The following LAPTM4B variants were observed in gnomAD, a reference collection of about 807,000 sequenced individuals.
LAPTM4B encodes lysosomal protein transmembrane 4 beta.
LAPTM4B carries 26 observed loss-of-function variants against 28.5 expected under a neutral mutation model. That is an observed-to-expected ratio of 0.91 (90% CI 0.67 to 1.27). The LOEUF is 1.27. Ranked by LOEUF, LAPTM4B falls within the 50% of genes most tolerant of loss-of-function variation. LAPTM4B has a pLI of 0.00. For missense variants in LAPTM4B, 288 were observed against 285.8 expected, an observed-to-expected ratio of 1.01 and a Z score of -0.06; for synonymous variants, 109 against 106.4, an observed-to-expected ratio of 1.02 and a Z score of -0.15.
At chr8:97,797,706 G>A (rs188462904) in intron 1 of LAPTM4B, among the ~76,000 whole-genome samples, 1 of 151,972 alleles carries the variant, frequency 6.6e-6, no homozygotes, top group African/African-American at 2.4e-5. Context: ...TTTTATTGAG[G>A]CTTTTAAAAA....
At chr8:97,817,343 GC>G (rs1345948565) in intron 4 of LAPTM4B, among the ~76,000 whole-genome samples, 1 of 149,358 alleles carries the variant, frequency 6.7e-6, no homozygotes, top group African/African-American at 2.5e-5. Flanking sequence ...TCACCATGTT[GC>G]CCAGGCTTGT....
At chr8:97,827,176 T>G (rs1345834287) in intron 6 of LAPTM4B, among the ~76,000 whole-genome samples, 1 of 152,248 alleles carries the variant, frequency 6.6e-6, no homozygotes, top group East Asian at 1.9e-4. Context: ...TAGCCATTGT[T>G]AGTCTTTGGT....
chr8:97,836,799 C>T (rs1316626396), intron 6 of LAPTM4B, among the ~76,000 whole-genome samples: 2 of 152,058 alleles, frequency 1.3e-5, no homozygotes, highest in Non-Finnish European at 2.9e-5. Flanking sequence ...TCCAGATTAA[C>T]ATTATATGCA....
rs542908291 is a variant in LAPTM4B at position 97,846,477 on chromosome 8, G to A, written c.604-4920G>A. On this transcript the variant is annotated intron_variant, in intron 6 of 6. Coordinates refer to ENST00000521545, the MANE Select transcript of LAPTM4B (RefSeq NM_018407.6). ...CGAGTAGCTGGGATTACAGGCATGC[G>A]CCACCACGCCCAGCTAACTTTGTAT... Among the ~76,000 whole-genome samples, 15 of 152,126 alleles carry A rather than the reference G, an allele frequency of 9.9e-5. No individual in the cohort carries two copies. The South Asian group carries it at 1.5e-3, about 15-fold the overall frequency.
chr8:97,827,611 CT>C (rs1480354483), intron 6 of LAPTM4B, among the ~76,000 whole-genome samples: 1 of 152,170 alleles, frequency 6.6e-6, no homozygotes, highest in Non-Finnish European at 1.5e-5. Flanking sequence ...GGAGGGGACA[CT>C]TTTGGGGATT....
intron 6 of LAPTM4B, among the ~76,000 whole-genome samples, chr8:97,828,410 A>G (rs575832894): frequency 6.6e-6 from 1 of 152,226 alleles, no homozygotes; most frequent in African/African-American, 2.4e-5. Context: ...ATGAACAGAG[A>G]GATTAGCCTG....
At chr8:97,792,054 T>G (rs1430935263) in intron 1 of LAPTM4B, among the ~76,000 whole-genome samples, 1 of 152,132 alleles carries the variant, frequency 6.6e-6, no homozygotes, top group Non-Finnish European at 1.5e-5. Context: ...TCTGTTGAAA[T>G]GAGGCTCTAA....
At chr8:97,811,295 T>C (rs972386239) in intron 2 of LAPTM4B, among the ~76,000 whole-genome samples, 2 of 152,130 alleles carry the variant, frequency 1.3e-5, no homozygotes, top group African/African-American at 4.8e-5. Context: ...ATATATACCC[T>C]AGGGAAACAG....
At position 97,775,989 on chromosome 8, in the gene LAPTM4B, C is replaced by G. The variant is rs1454795137; in HGVS notation, c.-21C>G. On this transcript the variant is annotated 5_prime_UTR_variant, in exon 1 of 7. Transcript: ENST00000521545. ...GCTCCTGAAAACTTGCGCGCGCGCTCGCGCCACTGCGCCCGGAGCGATGAA... is the reference window on the plus strand; with the variant it reads ...GCTCCTGAAAACTTGCGCGCGCGCTGGCGCCACTGCGCCCGGAGCGATGAA... 7 of 1,562,728 alleles carry G rather than the reference C, an allele frequency of 4.5e-6. No individual in the cohort carries two copies. Among genetic ancestry groups the G allele is most frequent in the Non-Finnish European group, 6.0e-6 (7 of 1,161,670 alleles).
intron 2 of LAPTM4B, among the ~76,000 whole-genome samples, chr8:97,806,892 AG>A: frequency 6.6e-6 from 1 of 152,070 alleles, no homozygotes; most frequent in Non-Finnish European, 1.5e-5. Flanking sequence ...CAGGTGGCGG[AG>A]GTTGCAGTGA....
chr8:97,803,613 C>T (rs1292843038), intron 1 of LAPTM4B, among the ~76,000 whole-genome samples: 4 of 152,134 alleles, frequency 2.6e-5, no homozygotes, highest in Non-Finnish European at 5.9e-5. Flanking sequence ...AAAACATTTA[C>T]ACTTCCTTTA....
At chr8:97,793,792 A>G (rs1816541534) in intron 1 of LAPTM4B, among the ~76,000 whole-genome samples, 1 of 152,186 alleles carries the variant, frequency 6.6e-6, no homozygotes, top group African/African-American at 2.4e-5. Flanking sequence ...GCTGCTGGCA[A>G]GTATTCTTGG....
At chr8:97,814,828 G>T (rs1373608026) in intron 2 of LAPTM4B, among the ~76,000 whole-genome samples, 2 of 152,048 alleles carry the variant, frequency 1.3e-5, no homozygotes, top group African/African-American at 4.8e-5. Context: ...CAAGTAGCTG[G>T]GTCAGCAGGT....
At chr8:97,784,436 T>TTTTTG (rs1218366026) in intron 1 of LAPTM4B, among the ~76,000 whole-genome samples, 10 of 152,032 alleles carry the variant, frequency 6.6e-5, no homozygotes, top group Non-Finnish European at 1.3e-4. Flanking sequence ...TTGGTTGTTG[T>TTTTTG]TTTTGTTTTG....
chr8:97,776,544 C>T (rs1563597032), intron 1 of LAPTM4B, among the ~76,000 whole-genome samples: 1 of 152,238 alleles, frequency 6.6e-6, no homozygotes, highest in Admixed American at 6.5e-5. Flanking sequence ...GCATATTTTG[C>T]AGCTCTGTGG....
chr8:97,808,804 C>T (rs1816789495), intron 2 of LAPTM4B, among the ~76,000 whole-genome samples: 1 of 151,620 alleles, frequency 6.6e-6, no homozygotes. Flanking sequence ...ACTAAAAATA[C>T]AAAAAAAGTA....
rs774891124 is a variant in LAPTM4B at position 97,851,410 on chromosome 8, C to T, written c.617C>T (p.Pro206Leu). The T allele has an allele frequency of 6.2e-6, 10 of 1,613,922 alleles. No homozygotes were observed. In the Admixed American group the frequency reaches 6.7e-5, roughly 11 times the overall value. The part of the protein sequence containing the change: ...TSNDTTVLLP[P>L]YDDATVNGAA... ...CTTTCTTCTCAGGTGCTGCTACCCC[C>T]GTATGATGATGCCACTGTGAATGGT... is the stretch of plus-strand genomic sequence containing the variant. The change falls in exon 7 of 7, where the codon CCG becomes CTG. Residue 206 changes from proline (P) to leucine (L), a missense_variant. By Grantham distance (98) the Pro-to-Leu change is moderately conservative. Coordinates refer to ENST00000521545, the MANE Select transcript of LAPTM4B (RefSeq NM_018407.6).
intron 6 of LAPTM4B, among the ~76,000 whole-genome samples, chr8:97,838,423 G>A (rs1202425573): frequency 6.6e-6 from 1 of 152,190 alleles, no homozygotes; most frequent in East Asian, 1.9e-4. Context: ...GGCAGTTGCC[G>A]CCCATCAGGC....
At chr8:97,799,222 C>T (rs1244306712) in intron 1 of LAPTM4B, among the ~76,000 whole-genome samples, 1 of 152,180 alleles carries the variant, frequency 6.6e-6, no homozygotes, top group Non-Finnish European at 1.5e-5. Flanking sequence ...CCTATTACTT[C>T]TTAGCCAGAC....
Sources: allele counts gnomAD v4.1 joint callset (sites outside exome capture counted in the v4.1 genomes callset), GRCh38; gene constraint gnomAD v4.1.1; transcripts MANE v1.5; gene names NCBI Gene and HGNC (gene_info 2026-07-23, HGNC 2026-07-21).